RAD51B: variants seen among roughly 807,000 people sequenced by gnomAD.
The protein encoded by RAD51B is RAD51 paralog B.
In RAD51B, 38 loss-of-function variants were observed where a neutral mutation model predicts 42.2. The observed-to-expected ratio is 0.90, with a 90% CI of 0.70 to 1.18. The LOEUF (loss-of-function observed/expected upper bound fraction) is 1.18, where lower values mean the gene tolerates loss of function less well. Among genes scored for constraint, RAD51B ranks in the 50% most tolerant of loss-of-function variants. The probability of loss-of-function intolerance (pLI) is 0.00; values close to 1 mark genes in which losing one functional copy is unlikely to be tolerated. For synonymous variants in RAD51B, 154 were observed against 145.2 expected, an observed-to-expected ratio of 1.06 and a Z score of -0.43; for missense variants, 373 against 400.7, an observed-to-expected ratio of 0.93 and a Z score of 0.59.
At chr14:67,868,018 A>G (rs2042382905) in intron 5 of RAD51B, among the ~76,000 whole-genome samples, 1 of 152,222 alleles carries the variant, frequency 6.6e-6, no homozygotes, top group African/African-American at 2.4e-5. Flanking sequence ...TAAGAAGGAG[A>G]GAGAAATCAA....
intron 8 of RAD51B, among the ~76,000 whole-genome samples, chr14:68,403,132 A>G (rs79681131): frequency 9.2e-4 from 140 of 152,322 alleles, no homozygotes; most frequent in African/African-American, 3.2e-3. Flanking sequence ...TTCAATCCTG[A>G]AAACATTTGT....
At chr14:67,913,172 T>A (rs1055190447) in intron 7 of RAD51B, among the ~76,000 whole-genome samples, 2 of 152,234 alleles carry the variant, frequency 1.3e-5, no homozygotes, top group Non-Finnish European at 2.9e-5. Flanking sequence ...TTGGTAGTTA[T>A]CCCCTACCAT....
rs562132259 is a variant in RAD51B at position 68,671,211 on chromosome 14, G to A, written c.*11+20355G>A. 2.0e-5 allele frequency among the ~76,000 whole-genome samples: 3 copies of A among 152,320 alleles called. No homozygotes were observed. The East Asian group carries it at 5.8e-4, about 29-fold the overall frequency. On this transcript the variant is annotated intron_variant, in intron 11 of 11. Coordinates refer to the RAD51B transcript ENST00000488612. The stretch of plus-strand genomic sequence containing the variant: ...CCGTGTGCTTTGAGACTTACACTAG[G>A]TGGGCCAGTTGAGGAAGGAGATAGG...
chr14:68,148,147 A>T (rs757351169), intron 7 of RAD51B, among the ~76,000 whole-genome samples: 2 of 152,178 alleles, frequency 1.3e-5, no homozygotes, highest in African/African-American at 2.4e-5. Flanking sequence ...ATGTTGTTGC[A>T]TGTATCAGTA....
intron 8 of RAD51B, among the ~76,000 whole-genome samples, chr14:68,400,104 G>T (rs1391597486): frequency 1.3e-5 from 2 of 152,112 alleles, no homozygotes; most frequent in African/African-American, 2.4e-5. Context: ...ACAAGCTAAG[G>T]CCTGGGCAAA....
At chr14:68,366,775 G>C (rs147499185) in intron 8 of RAD51B, among the ~76,000 whole-genome samples, 162 of 152,302 alleles carry the variant, frequency 1.1e-3, no homozygotes, top group Non-Finnish European at 6.8e-4. Context: ...TATGTTGCTC[G>C]CATTAGTGGG....
intron 7 of RAD51B, among the ~76,000 whole-genome samples, chr14:68,177,226 A>G (rs1212298420): frequency 2.0e-5 from 3 of 152,216 alleles, no homozygotes; most frequent in Non-Finnish European, 1.5e-5. Flanking sequence ...TAAAACTTTT[A>G]AAAGCACCAT....
In RAD51B at chr14:68,396,483, T is replaced by A. The variant is rs184187887; in HGVS notation, c.854-14941T>A. Among the ~76,000 whole-genome samples the A allele has an allele frequency of 2.4e-4, 37 of 152,314 alleles. 1 individual carries two copies. The highest frequency in any genetic ancestry group is 2.0e-3 in the Admixed American group (30 of 15,304). ...TTAACACAGCGATTCTATTTAGAAA[T>A]GTCATAAAATAGTGAAACATCCTAA... On this transcript the variant is annotated intron_variant, in intron 8 of 10. Coordinates refer to ENST00000471583, the MANE Select transcript of RAD51B (RefSeq NM_133510.4).
chr14:68,203,532 A>G (rs2079530773), intron 7 of RAD51B, among the ~76,000 whole-genome samples: 1 of 152,146 alleles, frequency 6.6e-6, no homozygotes, highest in South Asian at 2.1e-4. Flanking sequence ...AGAATGGTAA[A>G]TGATCATTGG....
intron 9 of RAD51B, among the ~76,000 whole-genome samples, chr14:68,412,339 G>A (rs1253373392): frequency 1.3e-5 from 2 of 152,116 alleles, no homozygotes; most frequent in Admixed American, 1.3e-4. Context: ...TTGATTTTTT[G>A]GATAGGACAG....
intron 9 of RAD51B, among the ~76,000 whole-genome samples, chr14:68,425,958 T>TTCTTTCTTTCTTTCTTTCTTTC (rs1215730921): frequency 9.3e-6 from 1 of 107,530 alleles, no homozygotes; most frequent in Non-Finnish European, 1.9e-5. Context: ...CTTTCTTTCT[T>TTCTTTCTTTCTTTCTTTCTTTC]TCTTTCTTTC....
intron 7 of RAD51B, among the ~76,000 whole-genome samples, chr14:68,119,587 C>T (rs1002175784): frequency 4.3e-4 from 62 of 145,280 alleles, no homozygotes; most frequent in African/African-American, 1.1e-3. Context: ...TTTGTTCTTG[C>T]GATTGTTTAC....
intron 7 of RAD51B, among the ~76,000 whole-genome samples, chr14:68,137,807 G>A (rs1413091297): frequency 6.6e-6 from 1 of 152,102 alleles, no homozygotes; most frequent in Non-Finnish European, 1.5e-5. Flanking sequence ...TCCCTAACTG[G>A]GCCTTCTTCG....
intron 10 of RAD51B, among the ~76,000 whole-genome samples, chr14:68,626,978 G>A (rs1244464241): frequency 6.6e-6 from 1 of 152,104 alleles, no homozygotes. Context: ...CTGTCCCTGT[G>A]TCTAGAAGAA....
At chr14:67,881,160 C>G (rs2042894062) in intron 5 of RAD51B, among the ~76,000 whole-genome samples, 1 of 152,134 alleles carries the variant, frequency 6.6e-6, no homozygotes, top group Non-Finnish European at 1.5e-5. Flanking sequence ...ACTATATAAG[C>G]TTATGGGACC....
At chr14:68,514,170 A>G (rs1885960630) in intron 10 of RAD51B, among the ~76,000 whole-genome samples, 2 of 152,112 alleles carry the variant, frequency 1.3e-5, no homozygotes, top group South Asian at 4.1e-4. Flanking sequence ...TGGGAATAAA[A>G]ATTACCGCGG....
intron 7 of RAD51B, among the ~76,000 whole-genome samples, chr14:68,241,512 A>G (rs1460139018): frequency 6.6e-6 from 1 of 152,238 alleles, no homozygotes; most frequent in African/African-American, 2.4e-5. Flanking sequence ...ACTGCACTCC[A>G]GCTGGGCGAC....
chr14:68,573,998 G>GTT (rs1194215015), intron 10 of RAD51B, among the ~76,000 whole-genome samples: 2 of 151,992 alleles, frequency 1.3e-5, no homozygotes, highest in Non-Finnish European at 2.9e-5. Context: ...GTGTGTGTGT[G>GTT]TGTGTGTGCT....
At chr14:68,628,861 C>T (rs1029210713) in intron 10 of RAD51B, among the ~76,000 whole-genome samples, 1 of 152,198 alleles carries the variant, frequency 6.6e-6, no homozygotes, top group Non-Finnish European at 1.5e-5. Flanking sequence ...ACCGCACAGC[C>T]TCGGGCATGA....
Sources: gnomAD v4.1 joint callset for allele counts (sites outside exome capture counted in the v4.1 genomes callset) on GRCh38, gnomAD v4.1.1 for gene constraint, MANE v1.5 for transcripts, NCBI Gene and HGNC (gene_info 2026-07-23, HGNC 2026-07-21) for gene names.